NBAS: variants seen among roughly 807,000 people sequenced by gnomAD.
The protein encoded by NBAS is NAG/BC035112 fusion.
NBAS carries 219 observed loss-of-function variants against 302.5 expected under a neutral mutation model. That is an observed-to-expected ratio of 0.72 (90% CI 0.65 to 0.81). The LOEUF is 0.81. Among genes scored for constraint, NBAS ranks in the 30% least tolerant of loss-of-function variants. The pLI, the probability that NBAS is intolerant of heterozygous loss-of-function variation, is 0.00. For missense variants in NBAS, 2,932 were observed against 2,841.6 expected (o/e 1.03, Z -0.72); for synonymous variants, 1,118 against 1,021.6 (o/e 1.09, Z -1.80).
chr2:15,108,306 T>A, the NBAS span, among the ~76,000 whole-genome samples: 1 of 152,150 alleles, frequency 6.6e-6, no homozygotes, highest in South Asian at 2.1e-4. Flanking sequence ...CAATGGAGAA[T>A]ATCATTATTC....
chr2:14,933,442 G>T, the NBAS span, among the ~76,000 whole-genome samples: 2 of 152,146 alleles, frequency 1.3e-5, no homozygotes, highest in Non-Finnish European at 2.9e-5. Flanking sequence ...ATAAAATGAT[G>T]AATGTTCTGG....
chr2:15,250,135 A>T (rs1371210294), intron 44 of NBAS, among the ~76,000 whole-genome samples: 1 of 152,188 alleles, frequency 6.6e-6, no homozygotes, highest in African/African-American at 2.4e-5. Flanking sequence ...ATGGAACAAA[A>T]CAGAGGCCTC....
At chr2:14,877,676 AG>A in the NBAS span, among the ~76,000 whole-genome samples, 1 of 150,744 alleles carries the variant, frequency 6.6e-6, no homozygotes, top group South Asian at 2.1e-4. Context: ...CATCATCCCA[AG>A]TTTCAGAGTC....
At chr2:14,911,673 C>T in the NBAS span, among the ~76,000 whole-genome samples, 3 of 152,202 alleles carry the variant, frequency 2.0e-5, no homozygotes, top group Non-Finnish European at 4.4e-5. Flanking sequence ...AAAATCCCAA[C>T]AGTTAACACT....
At chr2:15,316,791 G>A (rs181887593) in intron 38 of NBAS, among the ~76,000 whole-genome samples, 300 of 152,292 alleles carry the variant, frequency 2.0e-3, no homozygotes, top group African/African-American at 6.4e-3. Flanking sequence ...CACATCCGTG[G>A]GCAGGGCACA....
At chr2:15,244,858 T>C (rs1043947729) in intron 44 of NBAS, among the ~76,000 whole-genome samples, 14 of 152,140 alleles carry the variant, frequency 9.2e-5, no homozygotes, top group Non-Finnish European at 2.1e-4. Context: ...CGCTTCTCTA[T>C]GCTTCTCAAC....
At chr2:14,821,138 G>T in the NBAS span, among the ~76,000 whole-genome samples, 3 of 152,236 alleles carry the variant, frequency 2.0e-5, no homozygotes, top group African/African-American at 7.2e-5. Context: ...GTATTAGCCA[G>T]AATGGTCTCG....
At chr2:14,782,957 A>G in the NBAS span, among the ~76,000 whole-genome samples, 1 of 152,114 alleles carries the variant, frequency 6.6e-6, no homozygotes, top group East Asian at 1.9e-4. Context: ...GGCCTCCTTG[A>G]GGGTGGAAGG....
intron 48 of NBAS, among the ~76,000 whole-genome samples, chr2:15,197,429 C>T (rs1418588312): frequency 2.0e-5 from 3 of 152,160 alleles, no homozygotes; most frequent in Admixed American, 1.3e-4. Flanking sequence ...ATGACGTCTA[C>T]TTCATAGGGT....
intron 7 of NBAS, among the ~76,000 whole-genome samples, chr2:15,538,077 A>G (rs1444435747): frequency 3.3e-5 from 5 of 152,252 alleles, no homozygotes. Flanking sequence ...AATGTTTTAT[A>G]TTGATTACAT....
At chr2:15,437,739 C>G (rs1388420476) in intron 21 of NBAS, among the ~76,000 whole-genome samples, 1 of 152,140 alleles carries the variant, frequency 6.6e-6, no homozygotes, top group African/African-American at 2.4e-5. Context: ...TTCCACAAAC[C>G]TTTATTGAAC....
chr2:15,443,945 AG>A (rs1344242739), intron 21 of NBAS, among the ~76,000 whole-genome samples: 1 of 151,972 alleles, frequency 6.6e-6, no homozygotes, highest in East Asian at 1.9e-4. Flanking sequence ...CCAACTTACA[AG>A]GGATGTGAAG....
chr2:14,906,936 C>A, the NBAS span, among the ~76,000 whole-genome samples: 1 of 152,166 alleles, frequency 6.6e-6, no homozygotes, highest in Non-Finnish European at 1.5e-5. Flanking sequence ...CCTCTCTCCC[C>A]CAAACCTACT....
Position 15,238,700 on chromosome 2 carries a change from A to AT in NBAS, c.5725-15dup, listed in dbSNP as rs111370598. 2.5e-6 allele frequency: 4 copies of AT among 1,607,518 alleles called. No individual in the cohort carries two copies. Among genetic ancestry groups the AT allele is most frequent in the African/African-American group, 1.3e-5 (1 of 74,460 alleles). ...TTCCACAGACAGCTTAAAAAAAAGA[A>AT]TAGTGAGACCAAAGAACCCTGCATT... On this transcript the variant is annotated splice_polypyrimidine_tract_variant and intron_variant, in intron 44 of 51. Transcript: ENST00000281513.
chr2:15,440,418 C>G lies in NBAS; in HGVS notation c.2340-12624G>C, dbSNP rs376241211. ...AAACAGGGTCTGGAGTGGACCTCTA[C>G]CAAACTCCAACAGACCTGCAGCTGA... On this transcript the variant is annotated intron_variant, in intron 21 of 51. Transcript: ENST00000281513. 7.7e-3 allele frequency among the ~76,000 whole-genome samples: 1,175 copies of G among 152,242 alleles called. 19 individuals carry two copies. Among genetic ancestry groups the G allele is most frequent in the East Asian group, 0.059 (305 of 5,160 alleles).
chr2:15,356,339 C>T lies in NBAS; in HGVS notation c.3895G>A (p.Ala1299Thr), dbSNP rs761621293. 1 of 1,613,824 alleles carries T rather than the reference C, an allele frequency of 6.2e-7. No homozygotes were observed. Among genetic ancestry groups the T allele is most frequent in the African/African-American group, 1.3e-5 (1 of 75,030 alleles). Reference protein sequence around the residue: ...EQALRFHDYKAASMHCQELMA... With the variant: ...EQALRFHDYKTASMHCQELMA... Reference sequence around the variant, plus strand: ...AGCTCCTGACAATGCATACTGGCTGCTTTGTAGTCATGGAAGCGAAGTGCC... The same window carrying T: ...AGCTCCTGACAATGCATACTGGCTGTTTTGTAGTCATGGAAGCGAAGTGCC... Residue 1299 changes from alanine (A) to threonine (T), a missense_variant, in exon 33 of 52, where the codon GCA (alanine) becomes ACA (threonine). Transcript: ENST00000281513.
chr2:14,838,265 T>G, the NBAS span, among the ~76,000 whole-genome samples: 1 of 151,970 alleles, frequency 6.6e-6, no homozygotes, highest in Non-Finnish European at 1.5e-5. Flanking sequence ...CATTCATTAT[T>G]TCCATTATGC....
At chr2:14,802,381 T>A in the NBAS span, among the ~76,000 whole-genome samples, 2 of 151,230 alleles carry the variant, frequency 1.3e-5, no homozygotes, top group African/African-American at 2.4e-5. Flanking sequence ...CATTGATCTA[T>A]ATCTCTGTTT....
chr2:15,198,809 T>C (rs1235693532), intron 48 of NBAS, among the ~76,000 whole-genome samples: 1 of 152,194 alleles, frequency 6.6e-6, no homozygotes, highest in East Asian at 1.9e-4. Context: ...ATGTGCATAC[T>C]ATAGCTAATA....
Sources: gnomAD v4.1 joint callset for allele counts (sites outside exome capture counted in the v4.1 genomes callset) on GRCh38, gnomAD v4.1.1 for gene constraint, MANE v1.5 for transcripts, NCBI Gene and HGNC (gene_info 2026-07-23, HGNC 2026-07-21) for gene names.